CNTNAP2: variants seen among roughly 807,000 people sequenced by gnomAD.
CNTNAP2 encodes contactin-associated protein-like 2.
A neutral mutation model predicts 155.2 loss-of-function variants in CNTNAP2; 98 were observed. The ratio of observed to expected loss-of-function variants is 0.63; its 90% CI spans 0.54 to 0.75. The LOEUF is 0.75. CNTNAP2 is among the 30% of genes least tolerant of loss of function. The pLI, the probability that CNTNAP2 is intolerant of heterozygous loss-of-function variation, is 0.00. For missense variants in CNTNAP2, 1,727 were observed against 1,688.1 expected (o/e 1.02, Z -0.40); for synonymous variants, 651 against 631.2 (o/e 1.03, Z -0.47).
At chr7:146,794,468 T>C (rs1200346208) in intron 2 of CNTNAP2, among the ~76,000 whole-genome samples, 3 of 152,162 alleles carry the variant, frequency 2.0e-5, no homozygotes, top group African/African-American at 7.2e-5. Flanking sequence ...TTGAATTATT[T>C]CTCTACTGAA....
At chr7:148,110,104 C>G (rs1804314641) in intron 15 of CNTNAP2, among the ~76,000 whole-genome samples, 4 of 152,042 alleles carry the variant, frequency 2.6e-5, no homozygotes, top group Admixed American at 2.6e-4. Flanking sequence ...TAGGCAAACT[C>G]TCGGTGGGCT....
intron 21 of CNTNAP2, among the ~76,000 whole-genome samples, chr7:148,337,797 T>C (rs1161925972): frequency 6.6e-6 from 1 of 152,242 alleles, no homozygotes; most frequent in East Asian, 1.9e-4. Context: ...CTAAGCCTTA[T>C]GTCTGTGGTG....
At chr7:148,249,696 T>C (rs1440173451) in intron 20 of CNTNAP2, among the ~76,000 whole-genome samples, 2 of 152,170 alleles carry the variant, frequency 1.3e-5, no homozygotes, top group African/African-American at 4.8e-5. Context: ...TGATGGCAAC[T>C]CCATCCTTCC....
At chr7:147,403,167 C>T (rs1223305630) in intron 10 of CNTNAP2, among the ~76,000 whole-genome samples, 1 of 152,140 alleles carries the variant, frequency 6.6e-6, no homozygotes, top group Non-Finnish European at 1.5e-5. Flanking sequence ...TCTATTAATT[C>T]CATGTCTTTA....
At chr7:147,515,981 G>C (rs576681626) in intron 11 of CNTNAP2, among the ~76,000 whole-genome samples, 1 of 152,188 alleles carries the variant, frequency 6.6e-6, no homozygotes. Flanking sequence ...AAAAACCAAA[G>C]TAAAATTTAA....
intron 1 of CNTNAP2, among the ~76,000 whole-genome samples, chr7:146,157,092 A>G (rs1218311659): frequency 6.6e-6 from 1 of 152,214 alleles, no homozygotes; most frequent in East Asian, 1.9e-4. Context: ...TGATTCCTCA[A>G]TCTAACTTAG....
At chr7:147,342,830 G>A (rs1177244881) in intron 9 of CNTNAP2, among the ~76,000 whole-genome samples, 1 of 151,860 alleles carries the variant, frequency 6.6e-6, no homozygotes, top group Non-Finnish European at 1.5e-5. Context: ...CTAAGAAAAG[G>A]AAAAACAAAA....
chr7:147,210,083 G>C (rs1803112904), intron 8 of CNTNAP2, among the ~76,000 whole-genome samples: 1 of 151,874 alleles, frequency 6.6e-6, no homozygotes, highest in African/African-American at 2.4e-5. Context: ...TCCAGGTTTG[G>C]GTATTAGGAT....
At chr7:147,048,832 TA>T (rs1326726683) in intron 4 of CNTNAP2, among the ~76,000 whole-genome samples, 2 of 152,240 alleles carry the variant, frequency 1.3e-5, no homozygotes, top group African/African-American at 4.8e-5. Flanking sequence ...AAAGGACCTA[TA>T]AAAGTTATGT....
At chr7:147,156,738 T>C (rs1395730849) in intron 8 of CNTNAP2, among the ~76,000 whole-genome samples, 1 of 152,170 alleles carries the variant, frequency 6.6e-6, no homozygotes, top group Non-Finnish European at 1.5e-5. Flanking sequence ...CCTTTACAGT[T>C]CTTCCCCAAC....
At chr7:146,605,087 C>CA (rs57021805) in intron 1 of CNTNAP2, among the ~76,000 whole-genome samples, 6,084 of 144,058 alleles carry the variant, frequency 0.042, 314 homozygotes, top group African/African-American at 0.11. Flanking sequence ...AAAAAAACAA[C>CA]AAAAAAAAAA....
At chr7:147,669,159 A>G (rs1405867900) in intron 13 of CNTNAP2, among the ~76,000 whole-genome samples, 2 of 152,172 alleles carry the variant, frequency 1.3e-5, no homozygotes, top group Non-Finnish European at 2.9e-5. Flanking sequence ...ACATTCTATG[A>G]TGTCCATACA....
Position 148,383,698 on chromosome 7 carries a change from C to T in CNTNAP2, c.3525C>T (p.Phe1175=). ...QEIHKYNTPG[F]TGCLSRVQFN... ...TTCACAAATACAACACCCCAGGATT[C>T]ACTGGTTGCCTCTCCAGAGTCCAGT... Residue 1175 remains phenylalanine, a synonymous_variant, in exon 22 of 24, where the codon TTC becomes TTT. Transcript: ENST00000361727. 1 of 1,614,206 alleles carries T rather than the reference C, an allele frequency of 6.2e-7. No homozygotes were observed. Among genetic ancestry groups the T allele is most frequent in the Non-Finnish European group, 8.5e-7 (1 of 1,180,036 alleles).
rs189897877 is a variant in CNTNAP2, at chr7:147,976,530, T to G, written c.2256-1332T>G. ...ATCTTAATTCTGATTTGATAAATAA[T>G]TATTTTTTAAAAACCCTTCATTTTG... On this transcript the variant is annotated intron_variant, in intron 14 of 23. Transcript: ENST00000361727. 1.1e-3 allele frequency among the ~76,000 whole-genome samples: 173 copies of G among 152,350 alleles called. 1 individual carries two copies. Among genetic ancestry groups the G allele is most frequent in the African/African-American group, 3.9e-3 (163 of 41,590 alleles).
intron 1 of CNTNAP2, among the ~76,000 whole-genome samples, chr7:146,761,830 T>TTTCTC (rs72069548): frequency 4.2e-4 from 63 of 151,550 alleles, no homozygotes; most frequent in African/African-American, 1.5e-3. Flanking sequence ...TACAACTTCT[T>TTTCTC]TATTCAATGG....
At chr7:146,351,382 ATTTG>A (rs149519487) in intron 1 of CNTNAP2, among the ~76,000 whole-genome samples, 3,728 of 152,238 alleles carry the variant, frequency 0.024, 169 homozygotes, top group African/African-American at 0.084. Context: ...CAGTCTAAGA[ATTTG>A]TTTGATGGGT....
chr7:146,723,471 G>A, intron 1 of CNTNAP2, among the ~76,000 whole-genome samples: 1 of 152,098 alleles, frequency 6.6e-6, no homozygotes, highest in East Asian at 1.9e-4. Flanking sequence ...TACTTATTTA[G>A]ACTTACTAAA....
At chr7:146,484,403 T>G (rs1797024645) in intron 1 of CNTNAP2, among the ~76,000 whole-genome samples, 2 of 152,210 alleles carry the variant, frequency 1.3e-5, no homozygotes, top group African/African-American at 4.8e-5. Context: ...TGTCTAAAAC[T>G]AAGAATTACA....
chr7:146,729,378 C>G (rs1056906451), intron 1 of CNTNAP2, among the ~76,000 whole-genome samples: 2 of 151,960 alleles, frequency 1.3e-5, no homozygotes, highest in East Asian at 3.9e-4. Flanking sequence ...ATGGAAGTGT[C>G]AATTTCAGAA....
Sources: gnomAD v4.1 joint callset for allele counts (sites outside exome capture counted in the v4.1 genomes callset) on GRCh38, gnomAD v4.1.1 for gene constraint, MANE v1.5 for transcripts, NCBI Gene and HGNC (gene_info 2026-07-23, HGNC 2026-07-21) for gene names.